The following AGBL1 variants were observed in gnomAD, a reference collection of about 807,000 sequenced individuals.
AGBL1 encodes cytosolic carboxypeptidase 4.
AGBL1 carries 130 observed loss-of-function variants against 118.9 expected under a neutral mutation model. That is an observed-to-expected ratio of 1.09 (90% CI 0.95 to 1.26). The LOEUF (loss-of-function observed/expected upper bound fraction) is 1.26, where lower values mean the gene tolerates loss of function less well. AGBL1 is among the 50% of genes most tolerant of loss of function. The probability of loss-of-function intolerance (pLI) is 0.00; values close to 1 mark genes in which losing one functional copy is unlikely to be tolerated. For synonymous variants in AGBL1, 555 were observed against 478.9 expected, an observed-to-expected ratio of 1.16 and a Z score of -2.08; for missense variants, 1,584 against 1,298.1, an observed-to-expected ratio of 1.22 and a Z score of -3.38.
At chr15:86,857,813 G>A (rs965638215) in intron 22 of AGBL1, among the ~76,000 whole-genome samples, 1 of 152,166 alleles carries the variant, frequency 6.6e-6, no homozygotes, top group African/African-American at 2.4e-5. Flanking sequence ...ATATTCACTG[G>A]CATGATGAGT....
intron 5 of AGBL1, among the ~76,000 whole-genome samples, chr15:86,220,980 A>T (rs2078271652): frequency 1.3e-5 from 2 of 152,104 alleles, no homozygotes; most frequent in Admixed American, 1.3e-4. Context: ...CAGGCAGCTC[A>T]CTTGAGGTCA....
At chr15:86,457,390 T>C (rs1219460020) in intron 18 of AGBL1, among the ~76,000 whole-genome samples, 2 of 152,180 alleles carry the variant, frequency 1.3e-5, no homozygotes, top group Non-Finnish European at 1.5e-5. Context: ...CGTCGCAGCC[T>C]CTGCACCCAA....
At chr15:86,108,933 GGCAAC>G (rs1567059525) in intron 1 of AGBL1, among the ~76,000 whole-genome samples, 2 of 152,106 alleles carry the variant, frequency 1.3e-5, no homozygotes, top group Non-Finnish European at 2.9e-5. Context: ...CTCCAACCTG[GGCAAC>G]AGAGCAAGAC....
chr15:86,089,868 C>T (rs1392849655), intron 1 of AGBL1, among the ~76,000 whole-genome samples: 1 of 152,072 alleles, frequency 6.6e-6, no homozygotes, highest in African/African-American at 2.4e-5. Context: ...ACTTTAATTG[C>T]ACCAACTTAA....
chr15:86,626,640 C>T (rs552125368), intron 21 of AGBL1, among the ~76,000 whole-genome samples: 1 of 152,140 alleles, frequency 6.6e-6, no homozygotes, highest in Admixed American at 6.5e-5. Context: ...CATGCATACC[C>T]CTGAACTTAA....
At chr15:86,784,415 T>C (rs2078377173) in intron 22 of AGBL1, among the ~76,000 whole-genome samples, 1 of 152,198 alleles carries the variant, frequency 6.6e-6, no homozygotes, top group African/African-American at 2.4e-5. Context: ...GAGCATATTC[T>C]CTGCCCCACT....
At chr15:86,882,733 C>G (rs1277271188) in intron 22 of AGBL1, among the ~76,000 whole-genome samples, 1 of 152,118 alleles carries the variant, frequency 6.6e-6, no homozygotes, top group Non-Finnish European at 1.5e-5. Context: ...TGGACCCTTT[C>G]TGATACTCTG....
intron 1 of AGBL1, among the ~76,000 whole-genome samples, chr15:86,111,144 G>A (rs553123852): frequency 1.3e-4 from 20 of 152,348 alleles, no homozygotes; most frequent in South Asian, 4.1e-4. Context: ...GGTCCTGAGC[G>A]TCTCCTGTTT....
At chr15:86,193,240 A>G (rs1158801488) in intron 5 of AGBL1, among the ~76,000 whole-genome samples, 1 of 152,138 alleles carries the variant, frequency 6.6e-6, no homozygotes, top group Non-Finnish European at 1.5e-5. Context: ...CAGCTTCCCC[A>G]AAGCATTATT....
rs1164372304 is a variant in AGBL1, at chr15:86,557,787, A to T, written c.2994+3250A>T. The stretch of plus-strand genomic sequence containing the variant: ...CTTAGTATAGTATAAAGTAGGTATT[A>T]AAAATGTATGATGGCTGACAAGTGA... On this transcript the variant is annotated intron_variant, in intron 21 of 22. Transcript: ENST00000614907. Among the ~76,000 whole-genome samples the T allele has an allele frequency of 2.0e-5, 3 of 152,142 alleles. No individual in the cohort carries two copies. In the East Asian group the frequency reaches 5.8e-4, roughly 29 times the overall value.
At chr15:86,343,347 T>C (rs1234862274) in intron 17 of AGBL1, among the ~76,000 whole-genome samples, 1 of 151,958 alleles carries the variant, frequency 6.6e-6, no homozygotes, top group African/African-American at 2.4e-5. Flanking sequence ...TTTGGTGGGG[T>C]CCCCTGCATC....
chr15:86,564,319 A>G (rs1231689009), intron 21 of AGBL1, among the ~76,000 whole-genome samples: 1 of 152,174 alleles, frequency 6.6e-6, no homozygotes. Flanking sequence ...CTTGTAGGGC[A>G]GGCCTGGAGG....
At chr15:86,305,432 A>G (rs1039988341) in intron 17 of AGBL1, among the ~76,000 whole-genome samples, 1 of 152,190 alleles carries the variant, frequency 6.6e-6, no homozygotes, top group Non-Finnish European at 1.5e-5. Context: ...AATCTCATCT[A>G]TTGGGGAGTT....
chr15:86,849,613 C>A (rs988750105), intron 22 of AGBL1, among the ~76,000 whole-genome samples: 2 of 150,156 alleles, frequency 1.3e-5, no homozygotes, highest in South Asian at 4.2e-4. Context: ...CCTGATGGAC[C>A]TTATTATGGA....
chr15:86,383,736 A>G (rs1203566248), intron 17 of AGBL1, among the ~76,000 whole-genome samples: 1 of 152,228 alleles, frequency 6.6e-6, no homozygotes, highest in East Asian at 1.9e-4. Context: ...CAGTGCTGCA[A>G]GAGCAGATAC....
At chr15:86,636,702 C>CATATATATATAT (rs1157674222) in intron 21 of AGBL1, among the ~76,000 whole-genome samples, 4 of 26,774 alleles carry the variant, frequency 1.5e-4, no homozygotes, top group Admixed American at 6.7e-4. Context: ...AACCACCAGT[C>CATATATATATAT]ATATATATAT....
chr15:86,328,080 G>A (rs2080212269), intron 17 of AGBL1, among the ~76,000 whole-genome samples: 1 of 152,182 alleles, frequency 6.6e-6, no homozygotes, highest in African/African-American at 2.4e-5. Flanking sequence ...AAAACAAGAT[G>A]AGTCAACAAA....
chr15:86,176,768 G>A (rs77749525), intron 5 of AGBL1, among the ~76,000 whole-genome samples: 9,037 of 152,130 alleles, frequency 0.059, 881 homozygotes, highest in African/African-American at 0.21. Context: ...TACATCTCTG[G>A]AACAATGTCA....
intron 24 of AGBL1, among the ~76,000 whole-genome samples, chr15:87,002,519 T>G (rs1011369761): frequency 6.6e-6 from 1 of 152,094 alleles, no homozygotes; most frequent in Non-Finnish European, 1.5e-5. Context: ...GTGAAGAAAG[T>G]CTTTGGTAGC....
Sources: allele counts gnomAD v4.1 joint callset (sites outside exome capture counted in the v4.1 genomes callset), GRCh38; gene constraint gnomAD v4.1.1; transcripts MANE v1.5; gene names NCBI Gene and HGNC (gene_info 2026-07-23, HGNC 2026-07-21).